The following UGP2 variants were observed in gnomAD, a reference collection of about 807,000 sequenced individuals.
The protein encoded by UGP2 is UTP--glucose-1-phosphate uridylyltransferase.
Under a neutral mutation model 49.0 loss-of-function variants are expected in UGP2, and 40 were observed. The ratio of observed to expected loss-of-function variants is 0.82; its 90% CI spans 0.63 to 1.06. The LOEUF is 1.06. Among genes scored for constraint, UGP2 ranks in the 50% least tolerant of loss-of-function variants. The pLI, the probability that UGP2 is intolerant of heterozygous loss-of-function variation, is 0.00. For missense variants in UGP2, 460 were observed against 603.5 expected (o/e 0.76, Z 2.49); for synonymous variants, 225 against 213.0 (o/e 1.06, Z -0.49).
chr2:63,889,032 A>C (rs1671887401), intron 8 of UGP2: 1 of 152,216 alleles, frequency 6.6e-6, no homozygotes, highest in Admixed American at 6.5e-5. Flanking sequence ...ATGGGGAATT[A>C]GAAACTATGA....
chr2:63,841,984 G>A lies in UGP2; in HGVS notation c.-202G>A. ...CACCAAGTTTCCGTCTTTTGGAATTGGGGAAGGAGTTTCTTTCTTTCTTTT... is the reference window on the plus strand; with the variant it reads ...CACCAAGTTTCCGTCTTTTGGAATTAGGGAAGGAGTTTCTTTCTTTCTTTT... On this transcript the variant is annotated 5_prime_UTR_variant, in exon 1 of 10. Coordinates refer to ENST00000337130, the MANE Select transcript of UGP2 (RefSeq NM_006759.4). 2 of 582,210 alleles carry A rather than the reference G, an allele frequency of 3.4e-6. No individual in the cohort carries two copies. The highest frequency in any genetic ancestry group is 3.3e-5 in the East Asian group (1 of 30,724). 36.1% of individuals were successfully genotyped at this position (582,210 alleles called of 1,614,324 possible).
chr2:63,862,239 G>A (rs3934536), intron 3 of UGP2, among the ~76,000 whole-genome samples: 1 of 152,026 alleles, frequency 6.6e-6, no homozygotes, highest in South Asian at 2.1e-4. Context: ...GGAATTAGTG[G>A]CATTTAAAGA....
At chr2:63,848,186 G>A (rs946091251) in intron 1 of UGP2, among the ~76,000 whole-genome samples, 5 of 152,176 alleles carry the variant, frequency 3.3e-5, no homozygotes, top group African/African-American at 1.2e-4. Context: ...AATCTCTTTA[G>A]AAGACAGAGT....
chr2:63,882,759 G>A, intron 4 of UGP2, 108 bp downstream of exon 4: 3 of 1,199,558 alleles, frequency 2.5e-6, no homozygotes, highest in Non-Finnish European at 3.3e-6. Flanking sequence ...TAACCAAAGA[G>A]CCTGCTATCT....
Position 63,842,121 on chromosome 2 carries a change from G to A in UGP2, c.-65G>A. The A allele has an allele frequency of 6.5e-6, 10 of 1,550,266 alleles. No homozygotes were observed. The highest frequency in any genetic ancestry group is 8.6e-6 in the Non-Finnish European group (10 of 1,156,916). ...TAAAGCAGGAGAGGAAGAGAGACCT[G>A]CCCTGTAGCGTGACTCCTCTAGAAA... On this transcript the variant is annotated 5_prime_UTR_variant, in exon 1 of 10. Transcript: ENST00000337130.
rs200725100 is a variant in UGP2 at position 63,880,787 on chromosome 2, AGTGTGGTCTGCAGCCATCG to A, written c.256-1667_256-1649del. Among the ~76,000 whole-genome samples, 122 of 152,234 alleles carry A rather than the reference AGTGTGGTCTGCAGCCATCG, an allele frequency of 8.0e-4. No individual in the cohort carries two copies. In the East Asian group the frequency reaches 0.021, roughly 26 times the overall value. On this transcript the variant is annotated intron_variant, in intron 3 of 9. Transcript: ENST00000337130. Reference sequence around the variant, plus strand: ...ACCACATGCTGCAGGGGAAGCGATCAGTGTGGTCTGCAGCCATCGGTGTGGTCTGCGTTCTTTCCTGCCT... The same window carrying A: ...ACCACATGCTGCAGGGGAAGCGATCAGTGTGGTCTGCGTTCTTTCCTGCCT...
rs767840104 is a variant in UGP2, at chr2:63,856,339, C to G, written c.53C>G (p.Ser18Cys). The G allele has an allele frequency of 6.2e-7, 1 of 1,613,768 alleles. No homozygotes were observed. Among genetic ancestry groups the G allele is most frequent in the African/African-American group, 1.3e-5 (1 of 74,902 alleles). Residue 18 changes from serine (S) to cysteine (C), a missense_variant, in exon 2 of 10, where the codon TCT becomes TGT. Physicochemically the swap from Ser to Cys is moderately radical, Grantham distance 112. Around this residue, in one of 2 missense-constraint regions of UGP2, gnomAD observed 143 missense variants for 130.4 expected, o/e 1.10. Transcript: ENST00000337130. ...AAAGCAATGTCTCAAGATGGTGCTT[C>G]TCAGTTCCAAGAAGTCATTCGGCAA... is the stretch of plus-strand genomic sequence containing the variant. ...LSKAMSQDGASQFQEVIRQEL... is the reference protein window; with the variant it reads ...LSKAMSQDGACQFQEVIRQEL...
At chr2:63,869,761 G>A (rs894259226) in intron 3 of UGP2, among the ~76,000 whole-genome samples, 4 of 152,130 alleles carry the variant, frequency 2.6e-5, no homozygotes, top group African/African-American at 7.2e-5. Flanking sequence ...TTGGTGCCAA[G>A]ATTTCTAACT....
intron 8 of UGP2, chr2:63,888,299 C>T (rs1397411957): frequency 6.6e-6 from 1 of 152,232 alleles, no homozygotes; most frequent in African/African-American, 2.4e-5. Flanking sequence ...TCAGTGTCAT[C>T]AGTATGTTCT....
intron 3 of UGP2, among the ~76,000 whole-genome samples, chr2:63,881,763 C>A (rs768658438): frequency 6.6e-6 from 1 of 152,174 alleles, no homozygotes; most frequent in Non-Finnish European, 1.5e-5. Context: ...TTGGGATTTT[C>A]TTCAGCCCCA....
intron 7 of UGP2, among the ~76,000 whole-genome samples, chr2:63,887,048 G>C (rs997259295): frequency 5.9e-5 from 9 of 152,116 alleles, no homozygotes; most frequent in African/African-American, 2.2e-4. Context: ...GAGGCCGGCA[G>C]ATCACTTGAG....
At chr2:63,877,113 A>T (rs1311216431) in intron 3 of UGP2, among the ~76,000 whole-genome samples, 1 of 152,274 alleles carries the variant, frequency 6.6e-6, no homozygotes, top group Non-Finnish European at 1.5e-5. Flanking sequence ...TAAAATGTTG[A>T]TGTTACAGTG....
intron 8 of UGP2, chr2:63,887,907 G>A (rs1033098327): frequency 6.3e-5 from 25 of 394,986 alleles, no homozygotes; most frequent in Admixed American, 2.0e-4. Context: ...GACCAGTACT[G>A]CTTTCATCAG....
chr2:63,851,435 A>C (rs1303307035), intron 1 of UGP2, among the ~76,000 whole-genome samples: 2 of 152,218 alleles, frequency 1.3e-5, no homozygotes, highest in African/African-American at 2.4e-5. Context: ...TGGTAGAAAG[A>C]AAGGCCTCTT....
In UGP2 at chr2:63,886,460, C is replaced by T; in HGVS notation, c.993C>T (p.Asn331=). 2 of 1,614,158 alleles carry T rather than the reference C, an allele frequency of 1.2e-6. No individual in the cohort carries two copies. The highest frequency in any genetic ancestry group is 1.1e-5 in the South Asian group (1 of 91,088). Residue 331 remains asparagine, a synonymous_variant, in exon 7 of 10, where the codon AAC becomes AAT. Transcript: ENST00000337130. ...VSKFKIFNTN[N]LWISLAAVKR... ...AGTTCAAAATATTTAATACAAACAA[C>T]CTATGGATTTCTCTTGCAGCAGTTA...
chr2:63,889,958 C>A, intron 8 of UGP2, 123 bp from the exon 9 acceptor site: 1 of 694,940 alleles, frequency 1.4e-6, no homozygotes, highest in Non-Finnish European at 2.5e-6. Context: ...GTGCTTCCCA[C>A]AGAGGACCTG....
intron 3 of UGP2, among the ~76,000 whole-genome samples, chr2:63,858,396 ATC>A (rs1252038218): frequency 6.6e-6 from 1 of 152,196 alleles, no homozygotes; most frequent in Admixed American, 6.5e-5. Flanking sequence ...AAGCTAATGA[ATC>A]TCTCTTGTTT....
Position 63,890,074 on chromosome 2 carries a change from C to T in UGP2, c.1315-7C>T, listed in dbSNP as rs1453359116. On this transcript the variant is annotated splice_polypyrimidine_tract_variant and splice_region_variant and intron_variant, in intron 8 of 9. Coordinates refer to ENST00000337130, the MANE Select transcript of UGP2 (RefSeq NM_006759.4). ...GACAAATTTTTATGTTTCTCCTTTTCTGTAAGGTTCAAGATTATCTAAGAA... is the reference window on the plus strand; with the variant it reads ...GACAAATTTTTATGTTTCTCCTTTTTTGTAAGGTTCAAGATTATCTAAGAA... 1.3e-6 allele frequency: 2 copies of T among 1,590,090 alleles called. No individual in the cohort carries two copies. Among genetic ancestry groups the T allele is most frequent in the East Asian group, 2.2e-5 (1 of 44,468 alleles).
intron 1 of UGP2, chr2:63,854,900 A>AGAC (rs1453915808): frequency 3.9e-5 from 6 of 152,308 alleles, no homozygotes; most frequent in Non-Finnish European, 8.8e-5. Context: ...TCTGAAACTT[A>AGAC]GACCTGTGTT....
Sources: allele counts gnomAD v4.1 joint callset (sites outside exome capture counted in the v4.1 genomes callset), GRCh38; gene constraint gnomAD v4.1.1; regional missense constraint gnomAD v4.1.1; transcripts MANE v1.5; gene names NCBI Gene and HGNC (gene_info 2026-07-23, HGNC 2026-07-21).